AKAP11: variants seen among roughly 807,000 people sequenced by gnomAD.
AKAP11 encodes A-kinase anchoring protein 11, also known as A-kinase anchor protein 11.
A neutral mutation model predicts 146.1 loss-of-function variants in AKAP11; 36 were observed. That is an observed-to-expected ratio of 0.25 (90% CI 0.19 to 0.33). The LOEUF is 0.33. AKAP11 is among the 10% of genes least tolerant of loss of function. AKAP11 has a pLI of 1.00. For synonymous variants in AKAP11, 780 were observed against 786.5 expected, an observed-to-expected ratio of 0.99 and a Z score of 0.14; for missense variants, 2,201 against 2,197.0, an observed-to-expected ratio of 1.00 and a Z score of -0.04.
At position 42,300,505 on chromosome 13, in the gene AKAP11, T is replaced by C; in HGVS notation, c.1759T>C (p.Leu587=). The C allele has an allele frequency of 6.2e-7, 1 of 1,614,114 alleles. No individual in the cohort carries two copies. The highest frequency in any genetic ancestry group is 8.5e-7 in the Non-Finnish European group (1 of 1,179,976). ...TNALYHLAIK[L]TSSVLQMAFD... ...TGCTTTGTACCACTTAGCCATCAAA[T>C]TGACATCATCTGTTTTGCAGATGGC... The change falls in exon 8 of 13, where the codon TTG becomes CTG. Residue 587 remains leucine, a synonymous_variant. Transcript: ENST00000025301.
chr13:42,301,046 A>G lies in AKAP11; in HGVS notation c.2300A>G (p.Gln767Arg), dbSNP rs762920897. The G allele has an allele frequency of 6.2e-7, 1 of 1,614,140 alleles. No homozygotes were observed. The highest frequency in any genetic ancestry group is 8.5e-7 in the Non-Finnish European group (1 of 1,179,964). ...VQEYKKEYTV[Q>R]QALFCTSGIV... ...GAATATAAAAAGGAATACACAGTGC[A>G]GCAGGCCTTGTTTTGTACTTCTGGA... Residue 767 changes from glutamine (Q) to arginine (R), a missense_variant, in exon 8 of 13, where the codon CAG becomes CGG. Gln to Arg is a conservative substitution (Grantham distance 43, BLOSUM62 1). This residue lies in a region of AKAP11 where 1,867 missense variants were observed against 1,833.5 expected (regional missense o/e 1.02). Coordinates refer to ENST00000025301, the MANE Select transcript of AKAP11 (RefSeq NM_016248.4).
chr13:42,287,520 G>C (rs148727555), intron 3 of AKAP11, among the ~76,000 whole-genome samples: 1 of 151,984 alleles, frequency 6.6e-6, no homozygotes, highest in Admixed American at 6.6e-5. Context: ...TCCTGACCTC[G>C]TGATCTGCCT....
chr13:42,271,659 G>A (rs193150642), upstream of AKAP11, among the ~76,000 whole-genome samples: 242 of 152,322 alleles, frequency 1.6e-3, 1 homozygote, highest in African/African-American at 5.6e-3. Flanking sequence ...GGCAGAGCCT[G>A]AAACCAAATC....
intron 3 of AKAP11, among the ~76,000 whole-genome samples, chr13:42,289,027 G>A (rs1594313321): frequency 6.6e-6 from 1 of 152,136 alleles, no homozygotes; most frequent in East Asian, 1.9e-4. Context: ...CATTTCCATT[G>A]TAAAAGTACA....
At position 42,317,700 on chromosome 13, in the gene AKAP11, C is replaced by A; in HGVS notation, c.5565+12C>A. The A allele has an allele frequency of 6.2e-7, 1 of 1,611,128 alleles. No homozygotes were observed. The highest frequency in any genetic ancestry group is 8.5e-7 in the Non-Finnish European group (1 of 1,178,738). ...AGGAGTTTATGCTAGTAAGTACCTACCTTACAGAGTGTGAGGATACATTTA... is the reference window on the plus strand; with the variant it reads ...AGGAGTTTATGCTAGTAAGTACCTAACTTACAGAGTGTGAGGATACATTTA... On this transcript the variant is annotated intron_variant, in intron 12 of 12. Coordinates refer to ENST00000025301, the MANE Select transcript of AKAP11 (RefSeq NM_016248.4).
chr13:42,272,737 G>A (rs1204272625), intron 1 of AKAP11, among the ~76,000 whole-genome samples: 3 of 152,146 alleles, frequency 2.0e-5, no homozygotes, highest in Non-Finnish European at 2.9e-5. Context: ...TCTTGTAAAC[G>A]GAAGGCGTCA....
At chr13:42,287,129 A>G (rs1205691519) in intron 3 of AKAP11, among the ~76,000 whole-genome samples, 2 of 152,140 alleles carry the variant, frequency 1.3e-5, no homozygotes, top group Non-Finnish European at 2.9e-5. Flanking sequence ...TCCAAATTCT[A>G]ATTATCAGTG....
Position 42,320,238 on chromosome 13 carries a change from G to GA in AKAP11, c.*1016dup, listed in dbSNP as rs1236476452. The GA allele has an allele frequency of 6.6e-6, 1 of 151,830 alleles. No individual in the cohort carries two copies. Among genetic ancestry groups the GA allele is most frequent in the Non-Finnish European group, 1.5e-5 (1 of 67,862 alleles). The allele number at this position is 151,830 out of a possible 1,614,324, so 9.4% of individuals were successfully genotyped here. A position where few individuals can be genotyped will look rare whatever the true frequency, so the allele number is the denominator to read the frequency against. ...CAGTAGTTTTTATTGTTGGATTTTT[G>GA]AAAAAACCTCTACCAAGAATGTGGT... On this transcript the variant is annotated 3_prime_UTR_variant, in exon 13 of 13. Coordinates refer to ENST00000025301, the MANE Select transcript of AKAP11 (RefSeq NM_016248.4).
chr13:42,276,386 A>G (rs1217930438), intron 1 of AKAP11, among the ~76,000 whole-genome samples: 1 of 152,070 alleles, frequency 6.6e-6, no homozygotes, highest in Non-Finnish European at 1.5e-5. Context: ...AGCTGGAACC[A>G]CAGGTGTGTG....
rs1050607896 is a variant in AKAP11, at chr13:42,319,440, C to T, written c.*212C>T. The T allele has an allele frequency of 1.7e-6, 1 of 605,226 alleles. No individual in the cohort carries two copies. Among genetic ancestry groups the T allele is most frequent in the Admixed American group, 3.4e-5 (1 of 29,760 alleles). The allele number at this position is 605,226 out of a possible 1,614,324, so 37.5% of individuals were successfully genotyped here. A position where few individuals can be genotyped will look rare whatever the true frequency, so the allele number is the denominator to read the frequency against. Reference sequence around the variant, plus strand: ...CAAAATACTACCTTCATTTATTCTTCTATACACATGTGTAGTGTGTCAAGA... The same window carrying T: ...CAAAATACTACCTTCATTTATTCTTTTATACACATGTGTAGTGTGTCAAGA... On this transcript the variant is annotated 3_prime_UTR_variant, in exon 13 of 13. Coordinates refer to ENST00000025301, the MANE Select transcript of AKAP11 (RefSeq NM_016248.4).
In AKAP11 at chr13:42,302,552, C is replaced by T. The variant is rs753495216; in HGVS notation, c.3806C>T (p.Thr1269Ile). The change falls in exon 8 of 13, where the codon ACA becomes ATA. Residue 1269 changes from threonine to isoleucine, a missense_variant. Around this residue, in one of 3 missense-constraint regions of AKAP11, gnomAD observed 1,867 missense variants for 1,833.5 expected, o/e 1.02. Coordinates refer to ENST00000025301, the MANE Select transcript of AKAP11 (RefSeq NM_016248.4). Reference protein sequence around the residue: ...FAGDLAAEVITEAEKIAKVRN... With the variant: ...FAGDLAAEVIIEAEKIAKVRN... ...GGTGATCTGGCAGCAGAAGTCATTA[C>T]AGAAGCTGAGAAAATAGCAAAAGTC... The T allele has an allele frequency of 1.9e-6, 3 of 1,614,126 alleles. No individual in the cohort carries two copies. In the South Asian group the frequency reaches 3.3e-5, roughly 18 times the overall value.
intron 1 of AKAP11, among the ~76,000 whole-genome samples, chr13:42,279,281 A>ACT (rs71761653): frequency 0.014 from 2,043 of 146,668 alleles, 31 homozygotes; most frequent in South Asian, 0.067. Flanking sequence ...ACACACACAC[A>ACT]CTCTCTCTCT....
chr13:42,306,233 C>T (rs1294172452), intron 8 of AKAP11, among the ~76,000 whole-genome samples: 1 of 152,110 alleles, frequency 6.6e-6, no homozygotes, highest in Non-Finnish European at 1.5e-5. Flanking sequence ...ATAAATTAGG[C>T]CTTTTTACAA....
chr13:42,275,669 A>G (rs1958899066), intron 1 of AKAP11, among the ~76,000 whole-genome samples: 1 of 152,208 alleles, frequency 6.6e-6, no homozygotes, highest in African/African-American at 2.4e-5. Flanking sequence ...GTCTCTTTAC[A>G]GGACAGATTC....
At chr13:42,314,531 AATT>A (rs1960724949) in intron 11 of AKAP11, among the ~76,000 whole-genome samples, 1 of 151,842 alleles carries the variant, frequency 6.6e-6, no homozygotes, top group African/African-American at 2.4e-5. Flanking sequence ...CTCTCTACAT[AATT>A]ATTTTCAAAA....
rs1052976441 is a variant in AKAP11, at chr13:42,303,459, C to T, written c.4713C>T (p.Asp1571=). The T allele has an allele frequency of 1.2e-6, 2 of 1,614,078 alleles. No individual in the cohort carries two copies. The highest frequency in any genetic ancestry group is 1.7e-6 in the Non-Finnish European group (2 of 1,180,030). Residue 1571 remains aspartate (D), a synonymous_variant, in exon 8 of 13, where the codon GAC becomes GAT. Coordinates refer to ENST00000025301, the MANE Select transcript of AKAP11 (RefSeq NM_016248.4). ...FRVSETTKSA[D]RVTYAEKLSP... Reference sequence around the variant, plus strand: ...TGTCTGAGACCACAAAATCAGCAGACAGGGTCACTTATGCAGAAAAGTTGT... The same window carrying T: ...TGTCTGAGACCACAAAATCAGCAGATAGGGTCACTTATGCAGAAAAGTTGT...
chr13:42,295,782 A>G (rs755949771), intron 5 of AKAP11, 40 bp downstream of exon 5: 2 of 1,585,138 alleles, frequency 1.3e-6, no homozygotes, highest in South Asian at 1.1e-5. Context: ...TATTCTTGTC[A>G]TGGAAATCAG....
intron 2 of AKAP11, 96 bp downstream of exon 2, chr13:42,286,131 C>CGAG (rs1174565329): frequency 2.9e-6 from 1 of 342,032 alleles, no homozygotes; most frequent in Non-Finnish European, 5.3e-6. Context: ...ATATATTTTT[C>CGAG]AAATATTCTT....
chr13:42,296,993 A>C (rs1409329823), intron 5 of AKAP11, 55 bp from the exon 6 acceptor site: 5 of 1,491,374 alleles, frequency 3.4e-6, no homozygotes, highest in South Asian at 1.4e-5. Context: ...CATTATAGGA[A>C]CCTTAACAAA....
Sources: allele counts gnomAD v4.1 joint callset (sites outside exome capture counted in the v4.1 genomes callset), GRCh38; gene constraint gnomAD v4.1.1; regional missense constraint gnomAD v4.1.1; transcripts MANE v1.5; gene names NCBI Gene and HGNC (gene_info 2026-07-23, HGNC 2026-07-21).